The following ANKRD52 variants were observed in gnomAD, a reference collection of about 807,000 sequenced individuals.
ANKRD52 encodes the protein serine/threonine-protein phosphatase 6 regulatory ankyrin repeat subunit C.
ANKRD52 carries 7 observed loss-of-function variants against 116.0 expected under a neutral mutation model. The observed-to-expected ratio is 0.06, with a 90% CI of 0.03 to 0.11. ANKRD52 has a LOEUF of 0.11. Among genes scored for constraint, ANKRD52 ranks in the 10% least tolerant of loss-of-function variants. ANKRD52 has a pLI of 1.00. For synonymous variants in ANKRD52, 528 were observed against 578.1 expected (o/e 0.91, Z 1.24); for missense variants, 839 against 1,408.6 (o/e 0.60, Z 6.47).
At chr12:56,251,102 A>G (rs59822547) in intron 15 of ANKRD52, among the ~76,000 whole-genome samples, 7,750 of 151,360 alleles carry the variant, frequency 0.051, 240 homozygotes, top group Non-Finnish European at 0.069. Context: ...CAACATGACC[A>G]GCTAATTTTT....
chr12:56,255,941 G>A lies in ANKRD52; in HGVS notation c.305C>T (p.Ala102Val). 2 of 1,575,574 alleles carry A rather than the reference G, an allele frequency of 1.3e-6. No homozygotes were observed. The highest frequency in any genetic ancestry group is 1.7e-6 in the Non-Finnish European group (2 of 1,159,226). Residue 102 changes from alanine (A) to valine (V), a missense_variant, in exon 5 of 28, where the codon GCC becomes GTC. This residue lies in a region of ANKRD52 where 287 missense variants were observed against 598.1 expected (regional missense o/e 0.48). Coordinates refer to ENST00000267116, the MANE Select transcript of ANKRD52 (RefSeq NM_173595.4). The surrounding 1 kb of genome is among the most constrained non-coding windows in gnomAD (Gnocchi z 4.3). ...LLLAHSADVN[A>V]RDKLWQTPLH... The stretch of plus-strand genomic sequence containing the variant: ...TGGTGTCTGCCACAGCTTGTCCCGG[G>A]CATTCACATCTGCTGAATGTGCCAG...
chr12:56,245,573 G>A lies in ANKRD52; in HGVS notation c.2208C>T (p.Cys736=), dbSNP rs200274598. The change falls in exon 21 of 28, where the codon TGC becomes TGT. Residue 736 remains cysteine (C), a synonymous_variant. Transcript: ENST00000267116. ...HRGAVTGCED[C]LAALLDHDAF... Reference sequence around the variant, plus strand: ...CGTCGTGGTCCAGCAGGGCAGCCAGGCAGTCCTCACAGCCAGTCACTGCCT... The same window carrying A: ...CGTCGTGGTCCAGCAGGGCAGCCAGACAGTCCTCACAGCCAGTCACTGCCT... 65 of 1,606,030 alleles carry A rather than the reference G, an allele frequency of 4.0e-5. No homozygotes were observed. In the East Asian group the frequency reaches 1.4e-3, roughly 34 times the overall value.
rs200409864 is a variant in ANKRD52 at position 56,252,760 on chromosome 12, G to C, written c.1301+20C>G. The C allele has an allele frequency of 2.5e-6, 4 of 1,610,078 alleles. No individual in the cohort carries two copies. The South Asian group carries it at 3.3e-5, about 13-fold the overall frequency. On this transcript the variant is annotated intron_variant, in intron 12 of 27. Transcript: ENST00000267116. This position sits in a 1 kb window ranked among gnomAD's most constrained non-coding sequence, Gnocchi z 4.7. ...GCCCAGCTCCCTGCTCAAAGCATGG[G>C]AGAGAGAAAGAGAACTCACCCTCCG...
At chr12:56,249,820 G>A (rs889250512) in intron 15 of ANKRD52, among the ~76,000 whole-genome samples, 4 of 152,174 alleles carry the variant, frequency 2.6e-5, no homozygotes, top group African/African-American at 4.8e-5. Flanking sequence ...CAGGTGGATC[G>A]CCTGAGCTCG....
rs200784937 is a variant in ANKRD52, at chr12:56,248,117, G to A, written c.1884C>T (p.Arg628=). The A allele has an allele frequency of 5.4e-4, 866 of 1,613,668 alleles. 1 individual carries two copies. The highest frequency in any genetic ancestry group is 6.7e-4 in the Non-Finnish European group (795 of 1,179,896). ...GCACCTCCACACACTCAGTAGAGCCGCGCTCCGTGGCCAGGAAGAGTGCGG... is the reference window on the plus strand; with the variant it reads ...GCACCTCCACACACTCAGTAGAGCCACGCTCCGTGGCCAGGAAGAGTGCGG... The part of the protein sequence containing the change: ...GRTALFLATE[R]GSTECVEVLT... Residue 628 remains arginine (R), a synonymous_variant, in exon 18 of 28, where the codon CGC becomes CGT. Transcript: ENST00000267116. This position sits in a 1 kb window ranked among gnomAD's most constrained non-coding sequence, Gnocchi z 5.1.
At chr12:56,250,297 G>C (rs909288851) in intron 15 of ANKRD52, among the ~76,000 whole-genome samples, 2 of 151,072 alleles carry the variant, frequency 1.3e-5, no homozygotes, top group South Asian at 4.2e-4. Flanking sequence ...ATACTCCTGG[G>C]CTCAAGCAAT....
Position 56,239,066 on chromosome 12 carries a change from A to C in ANKRD52, c.*4076T>G, listed in dbSNP as rs1871050077. The C allele has an allele frequency of 6.6e-6, 1 of 152,390 alleles. No homozygotes were observed. The highest frequency in any genetic ancestry group is 6.5e-5 in the Admixed American group (1 of 15,290). The allele number at this position is 152,390 out of a possible 1,614,324, so 9.4% of individuals were successfully genotyped here. A position where few individuals can be genotyped will look rare whatever the true frequency, so the allele number is the denominator to read the frequency against. On this transcript the variant is annotated 3_prime_UTR_variant, in exon 28 of 28. Transcript: ENST00000267116. ...TTACCCGCCACCCTCTGCCCTCCCA[A>C]ATGCAGTGACAGTGTCCCCCTCACA... is the stretch of plus-strand genomic sequence containing the variant.
chr12:56,244,732 T>C lies in ANKRD52; in HGVS notation c.2642A>G (p.Gln881Arg), dbSNP rs765455156. The C allele has an allele frequency of 7.4e-6, 12 of 1,613,736 alleles. No homozygotes were observed. Among genetic ancestry groups the C allele is most frequent in the Non-Finnish European group, 1.0e-5 (12 of 1,179,896 alleles). Residue 881 changes from glutamine (Q) to arginine (R), a missense_variant, in exon 24 of 28, where the codon CAA becomes CGA. Physicochemically the swap from Gln to Arg is conservative, Grantham distance 43. Coordinates refer to ENST00000267116, the MANE Select transcript of ANKRD52 (RefSeq NM_173595.4). The surrounding 1 kb of genome is among the most constrained non-coding windows in gnomAD (Gnocchi z 4.9). ...VSGLRMLLQH[Q>R]AEVNATDHTG... ...GTGGTCAGTGGCGTTCACCTCAGCTTGATGCTGCAGCAGCATCCGGAGCCC... is the reference window on the plus strand; with the variant it reads ...GTGGTCAGTGGCGTTCACCTCAGCTCGATGCTGCAGCAGCATCCGGAGCCC...
Position 56,245,203 on chromosome 12 carries a change from A to C in ANKRD52, c.2405-13T>G. On this transcript the variant is annotated splice_polypyrimidine_tract_variant and intron_variant, in intron 21 of 27. Coordinates refer to ENST00000267116, the MANE Select transcript of ANKRD52 (RefSeq NM_173595.4). ...CAATCTTCATGTCCTGGGCACGAGG[A>C]AGGAAGAGTAGTGATGGAGAAAAAC... 1 of 1,613,886 alleles carries C rather than the reference A, an allele frequency of 6.2e-7. No homozygotes were observed. The highest frequency in any genetic ancestry group is 1.1e-5 in the South Asian group (1 of 91,074).
At position 56,242,302 on chromosome 12, in the gene ANKRD52, A is replaced by C. The variant is rs1368481386; in HGVS notation, c.*840T>G. ...CTTAAAAATTCATGACAAGCCTCAA[A>C]GTTCAAGGGAAGGAGAGCCAGGGCA... On this transcript the variant is annotated 3_prime_UTR_variant, in exon 28 of 28. Transcript: ENST00000267116. This position sits in a 1 kb window ranked among gnomAD's most constrained non-coding sequence, Gnocchi z 4.3. 1 of 397,074 alleles carries C rather than the reference A, an allele frequency of 2.5e-6. No individual in the cohort carries two copies. Among genetic ancestry groups the C allele is most frequent in the Non-Finnish European group, 4.4e-6 (1 of 225,632 alleles). 24.6% of individuals were successfully genotyped at this position (397,074 alleles called of 1,614,324 possible).
rs1334130406 is a variant in ANKRD52 at position 56,244,407 on chromosome 12, G to A, written c.2751C>T (p.Asp917=). 6.2e-7 allele frequency: 1 copy of A among 1,613,990 alleles called. No individual in the cohort carries two copies. Among genetic ancestry groups the A allele is most frequent in the Non-Finnish European group, 8.5e-7 (1 of 1,179,890 alleles). ...VEFLLYRGKA[D]LTVLDENKNT... is the part of the protein sequence containing the mutation. ...TCTTGTTCTCATCCAACACAGTAAG[G>A]TCTGCCTTCCCTCGATACAGCAGAA... The change falls in exon 25 of 28, where the codon GAC becomes GAT. Residue 917 remains aspartate (D), a synonymous_variant. Coordinates refer to ENST00000267116, the MANE Select transcript of ANKRD52 (RefSeq NM_173595.4). This position sits in a 1 kb window ranked among gnomAD's most constrained non-coding sequence, Gnocchi z 4.9.
rs755121198 is a variant in ANKRD52, at chr12:56,247,663, C to G, written c.2066+24G>C. On this transcript the variant is annotated intron_variant, in intron 19 of 27. Coordinates refer to ENST00000267116, the MANE Select transcript of ANKRD52 (RefSeq NM_173595.4). ...GATCCCGCAAGGACTGGAAAACCTG[C>G]ACCCCACCCTGGCCCACACTCACTG... 2.5e-6 allele frequency: 4 copies of G among 1,603,376 alleles called. No homozygotes were observed. In the African/African-American group the frequency reaches 5.4e-5, roughly 21 times the overall value.
chr12:56,239,800 C>CG lies in ANKRD52; in HGVS notation c.*3341dup, dbSNP rs1452694676. 6.6e-6 allele frequency: 1 copy of CG among 152,238 alleles called. No homozygotes were observed. Among genetic ancestry groups the CG allele is most frequent in the East Asian group, 1.9e-4 (1 of 5,190 alleles). 9.4% of individuals were successfully genotyped at this position (152,238 alleles called of 1,614,324 possible). On this transcript the variant is annotated 3_prime_UTR_variant, in exon 28 of 28. Transcript: ENST00000267116. ...TAGGTCCAGGGAGTAAGAAGGTGCT[C>CG]GGGTGGGCAGACAGTGGTGGAAACA... is the stretch of plus-strand genomic sequence containing the variant.
Position 56,243,077 on chromosome 12 carries a change from A to C in ANKRD52, c.*65T>G, listed in dbSNP as rs1048399348. 8 of 1,469,366 alleles carry C rather than the reference A, an allele frequency of 5.4e-6. No homozygotes were observed. Among genetic ancestry groups the C allele is most frequent in the Non-Finnish European group, 7.2e-6 (8 of 1,107,414 alleles). 91.0% of individuals were successfully genotyped at this position (1,469,366 alleles called of 1,614,324 possible). On this transcript the variant is annotated 3_prime_UTR_variant, in exon 28 of 28. Transcript: ENST00000267116. The surrounding 1 kb of genome is among the most constrained non-coding windows in gnomAD (Gnocchi z 4.6). ...CTCCTTTAAAGTGCCCTAAATGTTT[A>C]GACTTTTTCTAAATAAATAGAATTA...
chr12:56,258,148 G>C (rs1032406544), intron 1 of ANKRD52, 95 bp downstream of exon 1: 2 of 1,538,916 alleles, frequency 1.3e-6, no homozygotes, highest in Non-Finnish European at 1.8e-6. Flanking sequence ...GGGAGCCCCG[G>C]GCTCAGGCCC....
At position 56,255,674 on chromosome 12, in the gene ANKRD52, C is replaced by A. The variant is rs1871917180; in HGVS notation, c.462+110G>T. Reference sequence around the variant, plus strand: ...GCTTCAGCTTAAGTGTTTATATAACCATCCGGGCTGCTTCTCCTTCAGGCT... The same window carrying A: ...GCTTCAGCTTAAGTGTTTATATAACAATCCGGGCTGCTTCTCCTTCAGGCT... On this transcript the variant is annotated intron_variant, in intron 5 of 27. Coordinates refer to ENST00000267116, the MANE Select transcript of ANKRD52 (RefSeq NM_173595.4). The surrounding 1 kb of genome is among the most constrained non-coding windows in gnomAD (Gnocchi z 4.3). 1.0e-6 allele frequency: 1 copy of A among 1,002,314 alleles called. No individual in the cohort carries two copies. Among genetic ancestry groups the A allele is most frequent in the Admixed American group, 2.5e-5 (1 of 40,246 alleles). 62.1% of individuals were successfully genotyped at this position (1,002,314 alleles called of 1,614,324 possible). A position where few individuals can be genotyped will look rare whatever the true frequency, so the allele number is the denominator to read the frequency against.
In ANKRD52 at chr12:56,245,425, C is replaced by T. The variant is rs905644454; in HGVS notation, c.2356G>A (p.Gly786Arg). 3 of 1,612,828 alleles carry T rather than the reference C, an allele frequency of 1.9e-6. No homozygotes were observed. The highest frequency in any genetic ancestry group is 1.1e-5 in the South Asian group (1 of 91,048). ...AALSTDPLDAGVDYSGYSPMH... is the reference protein window; with the variant it reads ...AALSTDPLDARVDYSGYSPMH... ...GGCGAGTATCCGCTGTAATCCACCC[C>T]GGCATCCAGGGGATCTGTGGAAAGG... Residue 786 changes from glycine to arginine, a missense_variant, in exon 21 of 28, where the codon GGG (glycine) becomes AGG (arginine). Gly to Arg is a moderately radical substitution (Grantham distance 125, BLOSUM62 -2). Transcript: ENST00000267116.
chr12:56,243,720 C>A lies in ANKRD52; in HGVS notation c.2980+65G>T. 1.4e-6 allele frequency: 2 copies of A among 1,459,490 alleles called. No homozygotes were observed. Among genetic ancestry groups the A allele is most frequent in the South Asian group, 2.5e-5 (2 of 81,578 alleles). The allele number at this position is 1,459,490 out of a possible 1,614,324, so 90.4% of individuals were successfully genotyped here. On this transcript the variant is annotated intron_variant, in intron 27 of 27. Transcript: ENST00000267116. The surrounding 1 kb of genome is among the most constrained non-coding windows in gnomAD (Gnocchi z 4.6). Reference sequence around the variant, plus strand: ...CCCATGTATAGCAAGATTAAGAAGTCACCTCCTGAAGAATGTCCCTGACCC... The same window carrying A: ...CCCATGTATAGCAAGATTAAGAAGTAACCTCCTGAAGAATGTCCCTGACCC...
chr12:56,251,034 T>C (rs936359329), intron 15 of ANKRD52, among the ~76,000 whole-genome samples: 3 of 152,070 alleles, frequency 2.0e-5, no homozygotes, highest in Non-Finnish European at 2.9e-5. Context: ...TCCACCTCCC[T>C]GGTTCAAGTG....
Sources: gnomAD v4.1 joint callset for allele counts (sites outside exome capture counted in the v4.1 genomes callset) on GRCh38, gnomAD v4.1.1 for gene constraint, gnomAD v4.1.1 regional missense constraint, Gnocchi (gnomAD v3.1) non-coding constraint, MANE v1.5 for transcripts, NCBI Gene and HGNC (gene_info 2026-07-23, HGNC 2026-07-21) for gene names.